Variants in ACBD6 observed in about 807,000 individuals in gnomAD.
The protein encoded by ACBD6 is acyl-CoA-binding domain-containing protein 6.
A neutral mutation model predicts 37.2 loss-of-function variants in ACBD6; 28 were observed. That is an observed-to-expected ratio of 0.75 (90% confidence interval 0.56 to 1.03). The LOEUF is 1.03. Among genes scored for constraint, ACBD6 ranks in the 50% least tolerant of loss-of-function variants. The probability of loss-of-function intolerance (pLI) is 0.00; values close to 1 mark genes in which losing one functional copy is unlikely to be tolerated. For synonymous variants in ACBD6, 113 were observed against 126.8 expected, an observed-to-expected ratio of 0.89 and a Z score of 0.73; for missense variants, 340 against 337.4, an observed-to-expected ratio of 1.01 and a Z score of -0.06.
intron 3 of ACBD6, among the ~76,000 whole-genome samples, chr1:180,490,367 A>C (rs1651445576): frequency 6.6e-6 from 1 of 152,156 alleles, no homozygotes; most frequent in Non-Finnish European, 1.5e-5. Context: ...CAGAAACATA[A>C]GGAAATTTCT....
chr1:180,422,010 C>T (rs752787521), intron 4 of ACBD6, among the ~76,000 whole-genome samples: 1 of 152,100 alleles, frequency 6.6e-6, no homozygotes, highest in Non-Finnish European at 1.5e-5. Flanking sequence ...GATCCTTCAC[C>T]TTCCTTTTGC....
In ACBD6 at chr1:180,345,536, T is replaced by TA. The variant is rs11289680; in HGVS notation, c.664-30815dup. Among the ~76,000 whole-genome samples, 7 of 152,142 alleles carry TA rather than the reference T, an allele frequency of 4.6e-5. No homozygotes were observed. The South Asian group carries it at 1.5e-3, about 32-fold the overall frequency. On this transcript the variant is annotated intron_variant, in intron 6 of 7. Transcript: ENST00000367595. ...GTATCCTAAAAATACTTCAAATATT[T>TA]AAAAAAACCTTATAAAAAAGTTTAT...
chr1:180,315,062 T>C (rs1237681765), intron 6 of ACBD6, among the ~76,000 whole-genome samples: 1 of 148,196 alleles, frequency 6.7e-6, no homozygotes, highest in Non-Finnish European at 1.5e-5. Context: ...GTCTCATTTA[T>C]CTTGGCCAGT....
At chr1:180,313,137 T>C (rs1373035899) in intron 7 of ACBD6, among the ~76,000 whole-genome samples, 2 of 152,208 alleles carry the variant, frequency 1.3e-5, no homozygotes, top group East Asian at 1.9e-4. Flanking sequence ...TCAGCACATA[T>C]CTTTCTTTCT....
chr1:180,344,579 T>G (rs1419177110), intron 6 of ACBD6, among the ~76,000 whole-genome samples: 1 of 152,226 alleles, frequency 6.6e-6, no homozygotes, highest in Admixed American at 6.5e-5. Context: ...AGTTGAGACT[T>G]CACTGCAGTA....
chr1:180,327,085 A>G (rs1023696788), intron 6 of ACBD6, among the ~76,000 whole-genome samples: 1 of 152,088 alleles, frequency 6.6e-6, no homozygotes, highest in Non-Finnish European at 1.5e-5. Context: ...CAGCACTAGG[A>G]CTTGCCTAGG....
At chr1:180,371,462 G>C (rs1653262477) in intron 6 of ACBD6, among the ~76,000 whole-genome samples, 1 of 152,038 alleles carries the variant, frequency 6.6e-6, no homozygotes, top group South Asian at 2.1e-4. Context: ...AATTAGATGT[G>C]GATATTTTAT....
At chr1:180,368,666 A>G (rs559693784) in intron 6 of ACBD6, among the ~76,000 whole-genome samples, 2 of 152,086 alleles carry the variant, frequency 1.3e-5, no homozygotes, top group South Asian at 4.1e-4. Context: ...CAAAATCCCC[A>G]GTGAATGCCT....
intron 6 of ACBD6, among the ~76,000 whole-genome samples, chr1:180,391,873 A>G (rs1471198279): frequency 7.2e-6 from 1 of 139,474 alleles, no homozygotes; most frequent in East Asian, 2.1e-4. Context: ...CCCTTTATTC[A>G]TAATAGCCAG....
chr1:180,274,026 A>G (rs1176274957), exon 11 of ACBD6: 1 of 817,502 alleles, frequency 1.2e-6, no homozygotes, highest in Non-Finnish European at 2.0e-6. Context: ...GCCTCTGGAT[A>G]TCAGGCTGCC....
intron 6 of ACBD6, among the ~76,000 whole-genome samples, chr1:180,322,173 G>A (rs555179301): frequency 6.6e-4 from 100 of 152,028 alleles, no homozygotes; most frequent in African/African-American, 2.0e-3. Flanking sequence ...TGATTTATTC[G>A]CACATGTTGA....
At chr1:180,372,552 C>T (rs1484049207) in intron 6 of ACBD6, among the ~76,000 whole-genome samples, 2 of 152,040 alleles carry the variant, frequency 1.3e-5, no homozygotes, top group African/African-American at 2.4e-5. Context: ...CAATTCTATA[C>T]ATTATTTTTG....
chr1:180,345,481 C>A (rs956743630), intron 6 of ACBD6, among the ~76,000 whole-genome samples: 2 of 151,984 alleles, frequency 1.3e-5, no homozygotes, highest in African/African-American at 2.4e-5. Context: ...AAAATAAAAT[C>A]ATTTCCTTTC....
At position 180,444,286 on chromosome 1, in the gene ACBD6, C is replaced by CA. The variant is rs71719682; in HGVS notation, c.385-14025dup. ...GCGACAGAGTGAGATTCCGTCTCTC[C>CA]AAAAAAAAAAAAAAGAAAGTACTTT... On this transcript the variant is annotated intron_variant, in intron 3 of 7. Transcript: ENST00000367595. 2.0e-3 allele frequency among the ~76,000 whole-genome samples: 231 copies of CA among 114,698 alleles called. 1 individual carries two copies. Among genetic ancestry groups the CA allele is most frequent in the Middle Eastern group, 9.5e-3 (2 of 210 alleles). The allele number at this position is 114,698 out of a possible 152,430, so 75.2% of individuals were successfully genotyped here. A position where few individuals can be genotyped will look rare whatever the true frequency, so the allele number is the denominator to read the frequency against.
intron 7 of ACBD6, among the ~76,000 whole-genome samples, chr1:180,307,227 A>G (rs1650416178): frequency 6.6e-6 from 1 of 152,254 alleles, no homozygotes; most frequent in South Asian, 2.1e-4. Flanking sequence ...ACTGGAGGTC[A>G]TTATGTTAAG....
intron 7 of ACBD6, among the ~76,000 whole-genome samples, chr1:180,298,107 G>C (rs1649993440): frequency 6.6e-6 from 1 of 152,140 alleles, no homozygotes; most frequent in Non-Finnish European, 1.5e-5. Flanking sequence ...ATGAATCACT[G>C]TATACCAAAT....
chr1:180,409,120 C>CA (rs1647745714), intron 5 of ACBD6, among the ~76,000 whole-genome samples: 1 of 151,846 alleles, frequency 6.6e-6, no homozygotes, highest in Non-Finnish European at 1.5e-5. Flanking sequence ...CATGCCACTG[C>CA]ACTCCAGCCT....
At chr1:180,429,596 T>C (rs188821650) in intron 4 of ACBD6, among the ~76,000 whole-genome samples, 2 of 152,332 alleles carry the variant, frequency 1.3e-5, no homozygotes, top group Non-Finnish European at 2.9e-5. Flanking sequence ...CTTTCTTGTT[T>C]CTGCTTCTTG....
At chr1:180,406,601 G>C (rs1475467214) in intron 5 of ACBD6, among the ~76,000 whole-genome samples, 1 of 151,990 alleles carries the variant, frequency 6.6e-6, no homozygotes, top group Non-Finnish European at 1.5e-5. Flanking sequence ...ATAAATTATA[G>C]ATTCATAGCT....
Sources: allele counts gnomAD v4.1 joint callset (sites outside exome capture counted in the v4.1 genomes callset), GRCh38; gene constraint gnomAD v4.1.1; transcripts MANE v1.5; gene names NCBI Gene and HGNC (gene_info 2026-07-23, HGNC 2026-07-21).